XPR1: variants seen among roughly 807,000 people sequenced by gnomAD.
XPR1 encodes the protein solute carrier family 53 member 1.
Under a neutral mutation model 87.5 loss-of-function variants are expected in XPR1, and 28 were observed. The ratio of observed to expected loss-of-function variants is 0.32; its 90% CI spans 0.24 to 0.44. The LOEUF (loss-of-function observed/expected upper bound fraction) is 0.44. Ranked by LOEUF, XPR1 falls within the 20% of genes least tolerant of loss-of-function variation. The pLI is 1.00. For missense variants in XPR1, 559 were observed against 862.3 expected (o/e 0.65, Z 4.41); for synonymous variants, 300 against 306.1 (o/e 0.98, Z 0.21).
chr1:180,826,895 T>C (rs1314206403), intron 9 of XPR1, among the ~76,000 whole-genome samples: 1 of 151,984 alleles, frequency 6.6e-6, no homozygotes, highest in Non-Finnish European at 1.5e-5. Flanking sequence ...GGCTCACGCC[T>C]GTCGTCCCAG....
At chr1:180,708,911 G>A (rs867560403) in intron 2 of XPR1, among the ~76,000 whole-genome samples, 1 of 19,358 alleles carries the variant, frequency 5.2e-5, no homozygotes, top group Non-Finnish European at 8.3e-5. Flanking sequence ...TTTTTTTTTG[G>A]GGGGGGGGGG....
chr1:180,722,281 T>C (rs944692428), intron 2 of XPR1, among the ~76,000 whole-genome samples: 2 of 151,960 alleles, frequency 1.3e-5, no homozygotes, highest in Non-Finnish European at 2.9e-5. Context: ...TTTTTAGTAG[T>C]GACAGGGTTT....
intron 7 of XPR1, among the ~76,000 whole-genome samples, chr1:180,824,172 T>C (rs1262522675): frequency 1.3e-5 from 2 of 152,188 alleles, no homozygotes; most frequent in Non-Finnish European, 2.9e-5. Context: ...AAAAAACTAA[T>C]AGAACAATGG....
At chr1:180,768,876 G>T (rs1449461467) in intron 2 of XPR1, among the ~76,000 whole-genome samples, 1 of 152,168 alleles carries the variant, frequency 6.6e-6, no homozygotes, top group African/African-American at 2.4e-5. Flanking sequence ...AGCAACTGAA[G>T]TTGGATGACA....
chr1:180,698,014 A>G (rs370668380), intron 2 of XPR1, among the ~76,000 whole-genome samples: 52 of 152,232 alleles, frequency 3.4e-4, no homozygotes, highest in Non-Finnish European at 6.0e-4. Flanking sequence ...TGTCGAGATG[A>G]TTGATCCAAT....
At chr1:180,723,967 C>G (rs12137133) in intron 2 of XPR1, among the ~76,000 whole-genome samples, 1 of 151,762 alleles carries the variant, frequency 6.6e-6, no homozygotes, top group Non-Finnish European at 1.5e-5. Flanking sequence ...TTTCTTTTTG[C>G]AAACAAAGAT....
intron 11 of XPR1, among the ~76,000 whole-genome samples, chr1:180,862,101 T>C (rs1465024994): frequency 6.6e-6 from 1 of 152,032 alleles, no homozygotes; most frequent in African/African-American, 2.4e-5. Flanking sequence ...GCTTCCAGAG[T>C]TTCTGAAAAT....
At chr1:180,839,316 A>C (rs967207287) in intron 11 of XPR1, among the ~76,000 whole-genome samples, 4 of 152,236 alleles carry the variant, frequency 2.6e-5, no homozygotes, top group African/African-American at 7.2e-5. Flanking sequence ...CAGCCATTGG[A>C]GTCATTAACT....
At chr1:180,638,483 C>T (rs1421326549) in intron 1 of XPR1, among the ~76,000 whole-genome samples, 1 of 151,998 alleles carries the variant, frequency 6.6e-6, no homozygotes, top group Non-Finnish European at 1.5e-5. Flanking sequence ...GTGTATTTGC[C>T]TTTTCAGGTC....
intron 4 of XPR1, among the ~76,000 whole-genome samples, chr1:180,805,728 G>A (rs1649967037): frequency 6.6e-6 from 1 of 152,122 alleles, no homozygotes; most frequent in South Asian, 2.1e-4. Context: ...CAAAATAATA[G>A]AAATTAGCTA....
chr1:180,824,592 GTAGATAGATAGA>G (rs547917798), intron 7 of XPR1, among the ~76,000 whole-genome samples, 149 bp from the exon 8 acceptor site: 5 of 149,740 alleles, frequency 3.3e-5, no homozygotes, highest in Non-Finnish European at 5.9e-5. Context: ...AAATAAATAG[GTAGATAGATAGA>G]TAGATAGATG....
At chr1:180,857,243 T>A (rs372503685) in intron 11 of XPR1, among the ~76,000 whole-genome samples, 2 of 152,326 alleles carry the variant, frequency 1.3e-5, no homozygotes, top group East Asian at 3.9e-4. Flanking sequence ...GAACGCTGTT[T>A]CTGCCTGAAT....
chr1:180,774,477 G>A (rs1486951598), intron 2 of XPR1, among the ~76,000 whole-genome samples: 2 of 136,482 alleles, frequency 1.5e-5, no homozygotes, highest in Middle Eastern at 4.3e-3. Context: ...TGCAAGCTCC[G>A]CCTCCCGGGT....
chr1:180,704,245 G>GATAAATATAT (rs1553238722), intron 2 of XPR1, among the ~76,000 whole-genome samples: 3 of 66,054 alleles, frequency 4.5e-5, no homozygotes, highest in African/African-American at 1.7e-4. Flanking sequence ...ATAGGTGCTG[G>GATAAATATAT]ATATATATAT....
chr1:180,685,690 C>A (rs1053639046), intron 2 of XPR1, among the ~76,000 whole-genome samples: 11 of 152,188 alleles, frequency 7.2e-5, no homozygotes, highest in African/African-American at 2.6e-4. Flanking sequence ...TTCAGAGATT[C>A]AACTTCTTCA....
At chr1:180,787,276 GGTTTTTTTTGTTTTTTTTTT>G (rs964803048) in intron 2 of XPR1, among the ~76,000 whole-genome samples, 25 of 141,446 alleles carry the variant, frequency 1.8e-4, no homozygotes, top group Non-Finnish European at 2.9e-4. Context: ...CTTACAAAGA[GGTTTTTTTTGTTTTTTTTTT>G]GTTTTTTTTG....
chr1:180,812,852 G>T (rs1362941298), intron 7 of XPR1, among the ~76,000 whole-genome samples: 1 of 151,932 alleles, frequency 6.6e-6, no homozygotes, highest in Non-Finnish European at 1.5e-5. Context: ...GTTTCACTAT[G>T]TTGGCCAGAC....
chr1:180,711,735 C>A (rs989789996), intron 2 of XPR1, among the ~76,000 whole-genome samples: 1 of 152,146 alleles, frequency 6.6e-6, no homozygotes, highest in African/African-American at 2.4e-5. Context: ...TTTATCAGTT[C>A]TTTTGTGGAT....
At chr1:180,698,166 A>AT (rs542615151) in intron 2 of XPR1, among the ~76,000 whole-genome samples, 23 of 152,028 alleles carry the variant, frequency 1.5e-4, no homozygotes, top group African/African-American at 3.9e-4. Flanking sequence ...TGCTGAATTG[A>AT]TTTTTTTATC....
Sources: gnomAD v4.1 joint callset for allele counts (sites outside exome capture counted in the v4.1 genomes callset) on GRCh38, gnomAD v4.1.1 for gene constraint, MANE v1.5 for transcripts, NCBI Gene and HGNC (gene_info 2026-07-23, HGNC 2026-07-21) for gene names.